The following PNLIP variants were observed in gnomAD, a reference collection of about 807,000 sequenced individuals.
PNLIP encodes pancreatic lipase, also known as pancreatic triacylglycerol lipase.
In PNLIP, 49 loss-of-function variants were observed where a neutral mutation model predicts 57.1. The observed-to-expected ratio is 0.86, with a 90% CI of 0.68 to 1.09. The LOEUF is 1.09. Ranked by LOEUF, PNLIP falls within the 50% of genes least tolerant of loss-of-function variation. PNLIP has a pLI of 0.00. For synonymous variants in PNLIP, 209 were observed against 200.4 expected (o/e 1.04, Z -0.36); for missense variants, 503 against 570.2 (o/e 0.88, Z 1.20).
intron 10 of PNLIP, among the ~76,000 whole-genome samples, chr10:116,559,812 G>A (rs887406158): frequency 6.6e-6 from 1 of 152,042 alleles, no homozygotes; most frequent in Non-Finnish European, 1.5e-5. Flanking sequence ...TGGGGTTACC[G>A]ACATTTTTAA....
chr10:116,562,133 A>G (rs972801636), intron 12 of PNLIP, among the ~76,000 whole-genome samples: 1 of 152,182 alleles, frequency 6.6e-6, no homozygotes, highest in Admixed American at 6.5e-5. Flanking sequence ...AGGATGGTGA[A>G]CTACCAGGAA....
chr10:116,558,925 C>T (rs1003250188), intron 9 of PNLIP, among the ~76,000 whole-genome samples: 1 of 152,080 alleles, frequency 6.6e-6, no homozygotes, highest in Non-Finnish European at 1.5e-5. Flanking sequence ...ACGCCCGGCT[C>T]GTTGTAGATT....
chr10:116,566,610 A>T (rs1411087290), intron 12 of PNLIP, among the ~76,000 whole-genome samples: 2 of 152,188 alleles, frequency 1.3e-5, no homozygotes, highest in Admixed American at 1.3e-4. Flanking sequence ...TATATATCCT[A>T]TGAGGTAGAT....
At chr10:116,561,164 T>C (rs544357038) in intron 11 of PNLIP, among the ~76,000 whole-genome samples, 1 of 152,206 alleles carries the variant, frequency 6.6e-6, no homozygotes, top group African/African-American at 2.4e-5. Context: ...TGGCATACTC[T>C]CATCATTTAT....
At chr10:116,567,384 C>G (rs3010493) in intron 12 of PNLIP, among the ~76,000 whole-genome samples, 1 of 152,062 alleles carries the variant, frequency 6.6e-6, no homozygotes, top group East Asian at 1.9e-4. Context: ...AGAAATTAGA[C>G]TTTATACACT....
At chr10:116,557,020 A>T (rs1056608990) in intron 9 of PNLIP, among the ~76,000 whole-genome samples, 3 of 152,234 alleles carry the variant, frequency 2.0e-5, no homozygotes, top group African/African-American at 7.2e-5. Flanking sequence ...ATGAGAATAC[A>T]TACGTTAATT....
intron 11 of PNLIP, among the ~76,000 whole-genome samples, chr10:116,560,819 C>T (rs1847307802): frequency 6.6e-6 from 1 of 152,026 alleles, no homozygotes; most frequent in South Asian, 2.1e-4. Flanking sequence ...CTCAGGTGAC[C>T]TACCCACCTA....
intron 12 of PNLIP, among the ~76,000 whole-genome samples, chr10:116,567,439 T>C (rs148166953): frequency 2.0e-5 from 3 of 152,194 alleles, no homozygotes; most frequent in Non-Finnish European, 2.9e-5. Context: ...CTGAGTTGCA[T>C]TGGTTGACAT....
intron 9 of PNLIP, among the ~76,000 whole-genome samples, chr10:116,558,045 G>C (rs887059429): frequency 6.7e-6 from 1 of 150,352 alleles, no homozygotes; most frequent in Non-Finnish European, 1.5e-5. Context: ...AGGAAGTCAA[G>C]ATCGAGACCA....
In PNLIP at chr10:116,556,011, T is replaced by G. The variant is rs769696812; in HGVS notation, c.823T>G (p.Phe275Val). ...TGTCTGATTCAAAGGGACTCGAGAC[T>G]TTGCGGCCTGTAATCACTTAAGAAG... ...IDGIWEGTRD[F>V]AACNHLRSYK... is the part of the protein sequence containing the mutation. The change falls in exon 9 of 13, where the codon TTT becomes GTT. Residue 275 changes from phenylalanine (F) to valine (V), a missense_variant. Phe to Val is a conservative substitution (Grantham distance 50). Transcript: ENST00000369221. The G allele has an allele frequency of 1.2e-6, 2 of 1,610,142 alleles. No homozygotes were observed. Among genetic ancestry groups the G allele is most frequent in the East Asian group, 2.2e-5 (1 of 44,854 alleles).
intron 12 of PNLIP, among the ~76,000 whole-genome samples, chr10:116,564,076 T>TC (rs1194341692): frequency 6.6e-6 from 1 of 151,576 alleles, no homozygotes; most frequent in African/African-American, 2.4e-5. Flanking sequence ...TCAAAGAAAA[T>TC]CACAAGAAAC....
chr10:116,559,063 TA>T, intron 9 of PNLIP, 90 bp from the exon 10 acceptor site: 2 of 1,496,616 alleles, frequency 1.3e-6, no homozygotes, highest in Non-Finnish European at 1.8e-6. Context: ...GAACTGGCTT[TA>T]GAATATTTGA....
intron 9 of PNLIP, among the ~76,000 whole-genome samples, chr10:116,557,734 C>T (rs1344507572): frequency 6.6e-6 from 1 of 152,154 alleles, no homozygotes; most frequent in African/African-American, 2.4e-5. Context: ...CTGCCCCTCA[C>T]AGTGGGAATT....
At position 116,561,563 on chromosome 10, in the gene PNLIP, A is replaced by G; in HGVS notation, c.1261A>G (p.Asn421Asp). 1 of 1,613,780 alleles carries G rather than the reference A, an allele frequency of 6.2e-7. No individual in the cohort carries two copies. ...DLQMVKFIWY[N>D]NVINPTLPRV... ...GCAGATGGTTAAATTTATTTGGTAT[A>G]ACAATGTGATCAACCCAACTTTACC... is the stretch of plus-strand genomic sequence containing the variant. The change falls in exon 12 of 13, where the codon AAC becomes GAC. Residue 421 changes from asparagine to aspartate, a missense_variant. Coordinates refer to ENST00000369221, the MANE Select transcript of PNLIP (RefSeq NM_000936.4).
intron 9 of PNLIP, among the ~76,000 whole-genome samples, chr10:116,557,311 T>C (rs1847263025): frequency 6.6e-6 from 1 of 152,190 alleles, no homozygotes. Context: ...TACTCATCAC[T>C]TGTATAAGAA....
intron 10 of PNLIP, 72 bp downstream of exon 10, chr10:116,559,355 C>A: frequency 8.5e-7 from 1 of 1,177,332 alleles, no homozygotes; most frequent in Non-Finnish European, 1.2e-6. Flanking sequence ...TGAAAATGTG[C>A]ATACTTGCTT....
intron 5 of PNLIP, among the ~76,000 whole-genome samples, chr10:116,553,442 A>G (rs977097675): frequency 6.6e-6 from 1 of 152,100 alleles, no homozygotes; most frequent in Non-Finnish European, 1.5e-5. Flanking sequence ...GTATGTTTTT[A>G]GGTTTAGATA....
At chr10:116,548,327 A>C (rs780488285) in intron 3 of PNLIP, 33 bp from the exon 4 acceptor site, 51 of 1,610,702 alleles carry the variant, frequency 3.2e-5, no homozygotes, top group Non-Finnish European at 4.2e-5. Context: ...CTACTATAGG[A>C]AACTGACATG....
chr10:116,552,095 C>A (rs539817911), intron 5 of PNLIP, among the ~76,000 whole-genome samples: 2 of 152,274 alleles, frequency 1.3e-5, no homozygotes, highest in East Asian at 3.9e-4. Flanking sequence ...CTGGTATAAA[C>A]AAACCTACTG....
Sources: allele counts gnomAD v4.1 joint callset (sites outside exome capture counted in the v4.1 genomes callset), GRCh38; gene constraint gnomAD v4.1.1; transcripts MANE v1.5; gene names NCBI Gene and HGNC (gene_info 2026-07-23, HGNC 2026-07-21).